DYRK1A: variants seen among roughly 807,000 people sequenced by gnomAD.
The protein encoded by DYRK1A is dual specificity tyrosine-phosphorylation-regulated kinase 1A.
In DYRK1A, 9 loss-of-function variants were observed where a neutral mutation model predicts 79.7. That is an observed-to-expected ratio of 0.11 (90% CI 0.07 to 0.20). DYRK1A has a LOEUF of 0.20. Among genes scored for constraint, DYRK1A ranks in the 10% least tolerant of loss-of-function variants. The pLI is 1.00. For synonymous variants in DYRK1A, 349 were observed against 329.7 expected, an observed-to-expected ratio of 1.06 and a Z score of -0.63; for missense variants, 622 against 956.0, an observed-to-expected ratio of 0.65 and a Z score of 4.61.
chr21:37,479,643 A>AG, intron 4 of DYRK1A, among the ~76,000 whole-genome samples: 1 of 34,670 alleles, frequency 2.9e-5, no homozygotes, highest in Admixed American at 4.8e-4. Flanking sequence ...TTTTGGAGAC[A>AG]GAGTCTCACT....
intron 11 of DYRK1A, among the ~76,000 whole-genome samples, chr21:37,509,894 G>A (rs2053702903): frequency 6.6e-6 from 1 of 152,146 alleles, no homozygotes; most frequent in Non-Finnish European, 1.5e-5. Flanking sequence ...GAAGCAATTC[G>A]TAAGTTTTAA....
rs115781146 is a variant in DYRK1A, at chr21:37,445,644, T to C, written c.10+25260T>C. The stretch of plus-strand genomic sequence containing the variant: ...ATGAGCAAATACATCTGTGGGGTAG[T>C]CTGGTTTATAGAAGTGCCCATCAGT... On this transcript the variant is annotated intron_variant, in intron 2 of 11. Coordinates refer to ENST00000647188, the MANE Select transcript of DYRK1A (RefSeq NM_001347721.2). Among the ~76,000 whole-genome samples the C allele has an allele frequency of 7.7e-3, 1,167 of 152,310 alleles. 10 individuals carry two copies. Among genetic ancestry groups the C allele is most frequent in the African/African-American group, 0.026 (1,082 of 41,570 alleles).
chr21:37,487,297 A>G (rs2052905660), intron 6 of DYRK1A: 1 of 152,148 alleles, frequency 6.6e-6, no homozygotes, highest in African/African-American at 2.4e-5. Context: ...GCCTACTCCA[A>G]AGTCTGTTTC....
At chr21:37,471,314 G>A (rs919749536) in intron 2 of DYRK1A, among the ~76,000 whole-genome samples, 2 of 152,200 alleles carry the variant, frequency 1.3e-5, no homozygotes, top group African/African-American at 2.4e-5. Context: ...GTTGAGTCTC[G>A]TTGACTGCGT....
At position 37,493,067 on chromosome 21, in the gene DYRK1A, G is replaced by A. The variant is rs1057524118; in HGVS notation, c.975G>A (p.Leu325=). The part of the protein sequence containing the change: ...SRFYRSPEVL[L]GMPYDLAIDM... ...TTTATCGGTCTCCAGAGGTGCTACT[G>A]GGAATGCCTTATGACCTTGCCATTG... is the stretch of plus-strand genomic sequence containing the variant. The change falls in exon 8 of 12, where the codon CTG becomes CTA. Residue 325 remains leucine (L), a synonymous_variant. Coordinates refer to ENST00000647188, the MANE Select transcript of DYRK1A (RefSeq NM_001347721.2). 1 of 1,611,630 alleles carries A rather than the reference G, an allele frequency of 6.2e-7. No individual in the cohort carries two copies. The highest frequency in any genetic ancestry group is 8.5e-7 in the Non-Finnish European group (1 of 1,178,150).
chr21:37,385,588 A>G (rs1008687598), intron 1 of DYRK1A, among the ~76,000 whole-genome samples: 2 of 152,322 alleles, frequency 1.3e-5, no homozygotes, highest in African/African-American at 4.8e-5. Context: ...TTGCTTAAAA[A>G]CAAGTCACAG....
intron 2 of DYRK1A, among the ~76,000 whole-genome samples, chr21:37,422,137 A>G (rs147294780): frequency 0.01 from 1,585 of 152,270 alleles, 12 homozygotes; most frequent in Middle Eastern, 0.041. Context: ...GATTTATGAT[A>G]AAATCCAATC....
Position 37,451,786 on chromosome 21 carries a change from G to A in DYRK1A, c.11-20898G>A, listed in dbSNP as rs539379356. Among the ~76,000 whole-genome samples the A allele has an allele frequency of 3.9e-5, 6 of 152,340 alleles. No homozygotes were observed. In the East Asian group the frequency reaches 1.2e-3, roughly 29 times the overall value. On this transcript the variant is annotated intron_variant, in intron 2 of 11. Coordinates refer to ENST00000647188, the MANE Select transcript of DYRK1A (RefSeq NM_001347721.2). ...AACATATCCTCATGGTTAGGTGACAGGTAAGTGTTCTGAGGGAAGAATGGA... is the reference window on the plus strand; with the variant it reads ...AACATATCCTCATGGTTAGGTGACAAGTAAGTGTTCTGAGGGAAGAATGGA...
chr21:37,511,875 C>T (rs763901481), intron 11 of DYRK1A, 36 bp from the exon 12 acceptor site: 399 of 1,590,088 alleles, frequency 2.5e-4, no homozygotes, highest in Non-Finnish European at 3.3e-4. Context: ...TGGAAACAGT[C>T]CTCTGAAAAA....
intron 5 of DYRK1A, among the ~76,000 whole-genome samples, chr21:37,485,277 A>C (rs2835765): frequency 1.3e-5 from 2 of 152,042 alleles, no homozygotes; most frequent in South Asian, 4.2e-4. Flanking sequence ...CTGAACTGCA[A>C]CTCTTAGTGC....
chr21:37,446,227 C>A (rs564587311), intron 2 of DYRK1A, among the ~76,000 whole-genome samples: 1 of 152,176 alleles, frequency 6.6e-6, no homozygotes, highest in African/African-American at 2.4e-5. Context: ...TCAACGCTCT[C>A]ATTTTGCATG....
In DYRK1A at chr21:37,490,353, T is replaced by C. The variant is rs537163064; in HGVS notation, c.816T>C (p.Leu272=). The C allele has an allele frequency of 6.2e-7, 1 of 1,613,754 alleles. No homozygotes were observed. Reference sequence around the variant, plus strand: ...TGCTTTTCCTTGCGACTCCAGAACTTAGTATCATTCACTGTGATCTAAAAC... The same window carrying C: ...TGCTTTTCCTTGCGACTCCAGAACTCAGTATCATTCACTGTGATCTAAAAC... The part of the protein sequence containing the change: ...TALLFLATPE[L]SIIHCDLKPE... The change falls in exon 7 of 12, where the codon CTT becomes CTC. Residue 272 remains leucine (L), a synonymous_variant. Transcript: ENST00000647188.
intron 1 of DYRK1A, among the ~76,000 whole-genome samples, chr21:37,372,750 C>T (rs2049457605): frequency 6.6e-6 from 1 of 152,050 alleles, no homozygotes; most frequent in Non-Finnish European, 1.5e-5. Context: ...TTTCTTTCTC[C>T]TCCTTTTTTC....
At position 37,486,508 on chromosome 21, in the gene DYRK1A, C is replaced by T. The variant is rs772726379; in HGVS notation, c.531C>T (p.Ala177=). Residue 177 remains alanine (A), a synonymous_variant, in exon 6 of 12, where the codon GCC becomes GCT. Coordinates refer to ENST00000647188, the MANE Select transcript of DYRK1A (RefSeq NM_001347721.2). ...ATCGTGTGGAGCAAGAATGGGTTGC[C>T]ATTAAAATAATAAAGAACAAGAAGG... ...AYDRVEQEWV[A]IKIIKNKKAF... The T allele has an allele frequency of 6.3e-7, 1 of 1,593,122 alleles. No individual in the cohort carries two copies. Among genetic ancestry groups the T allele is most frequent in the Non-Finnish European group, 8.5e-7 (1 of 1,171,154 alleles).
Position 37,367,614 on chromosome 21 carries a change from C to A in DYRK1A, c.-91C>A, listed in dbSNP as rs2049335651. The A allele has an allele frequency of 6.9e-6, 1 of 145,754 alleles. No individual in the cohort carries two copies. Among genetic ancestry groups the A allele is most frequent in the Admixed American group, 6.7e-5 (1 of 14,818 alleles). The allele number at this position is 145,754 out of a possible 1,614,324, so 9.0% of individuals were successfully genotyped here. A position where few individuals can be genotyped will look rare whatever the true frequency, so the allele number is the denominator to read the frequency against. On this transcript the variant is annotated 5_prime_UTR_variant, in exon 1 of 12. Transcript: ENST00000647188. ...TCACCGGAGGAAGCGGCGCGAGCGC[C>A]CCGCCATCGTCCCGGTGAGTGTCCG...
intron 1 of DYRK1A, among the ~76,000 whole-genome samples, chr21:37,407,916 T>C (rs1446903147): frequency 6.6e-6 from 1 of 152,110 alleles, no homozygotes; most frequent in Non-Finnish European, 1.5e-5. Flanking sequence ...CACTCAAAAC[T>C]AGCTGATGAC....
At chr21:37,507,509 C>T (rs902154295) in intron 11 of DYRK1A, among the ~76,000 whole-genome samples, 1 of 152,154 alleles carries the variant, frequency 6.6e-6, no homozygotes, top group African/African-American at 2.4e-5. Context: ...TCCAACTCTC[C>T]TGCCGGTGTC....
At chr21:37,406,803 TTATA>T (rs563107686) in intron 1 of DYRK1A, among the ~76,000 whole-genome samples, 68 of 147,546 alleles carry the variant, frequency 4.6e-4, no homozygotes, top group African/African-American at 1.2e-3. Flanking sequence ...ATGTATATAA[TTATA>T]TATATCTATT....
rs555884539 is a variant in DYRK1A at position 37,522,425 on chromosome 21, C to T, written c.*9894C>T. 6.6e-6 allele frequency: 1 copy of T among 152,418 alleles called. No individual in the cohort carries two copies. The highest frequency in any genetic ancestry group is 2.4e-5 in the African/African-American group (1 of 41,584). 9.4% of individuals were successfully genotyped at this position (152,418 alleles called of 1,614,324 possible). A position where few individuals can be genotyped will look rare whatever the true frequency, so the allele number is the denominator to read the frequency against. On this transcript the variant is annotated 3_prime_UTR_variant, in exon 12 of 12. Transcript: ENST00000647188. ...GCGACAGTCTGTCTTCTAGTCAGGC[C>T]TCTTTCCAGTTCTCCACGCTGACCT...
Sources: gnomAD v4.1 joint callset for allele counts (sites outside exome capture counted in the v4.1 genomes callset) on GRCh38, gnomAD v4.1.1 for gene constraint, MANE v1.5 for transcripts, NCBI Gene and HGNC (gene_info 2026-07-23, HGNC 2026-07-21) for gene names.